The following GLB1 variants were observed in gnomAD, a reference collection of about 807,000 sequenced individuals.
GLB1 encodes the protein beta-galactosidase.
A neutral mutation model predicts 74.0 loss-of-function variants in GLB1; 56 were observed. The ratio of observed to expected loss-of-function variants is 0.76; its 90% CI spans 0.61 to 0.94. The LOEUF (loss-of-function observed/expected upper bound fraction) is 0.94. Ranked by LOEUF, GLB1 falls within the 40% of genes least tolerant of loss-of-function variation. The probability of loss-of-function intolerance (pLI) is 0.00; values close to 1 mark genes in which losing one functional copy is unlikely to be tolerated. For missense variants in GLB1, 787 were observed against 845.5 expected (o/e 0.93, Z 0.86); for synonymous variants, 323 against 323.6 (o/e 1.00, Z 0.02).
chr3:33,046,816 G>A (rs75970876), intron 9 of GLB1, among the ~76,000 whole-genome samples: 13,675 of 152,144 alleles, frequency 0.09, 1,425 homozygotes, highest in East Asian at 0.56. Context: ...AAAGACTGTC[G>A]ATGGGGCTGT....
At chr3:33,060,271 A>G (rs1408050271) in intron 5 of GLB1, among the ~76,000 whole-genome samples, 1 of 152,220 alleles carries the variant, frequency 6.6e-6, no homozygotes, top group Non-Finnish European at 1.5e-5. Flanking sequence ...CATGCCCAGG[A>G]CAGAGACTTC....
intron 4 of GLB1, among the ~76,000 whole-genome samples, chr3:33,066,217 C>T (rs1397065995): frequency 1.3e-5 from 2 of 152,138 alleles, no homozygotes; most frequent in African/African-American, 4.8e-5. Flanking sequence ...ATGTTGAAAT[C>T]GAATCCCCAA....
Position 33,051,924 on chromosome 3 carries a change from G to C in GLB1, c.873C>G (p.Ser291=). Residue 291 remains serine, a synonymous_variant, in exon 8 of 16, where the codon TCC becomes TCG. Transcript: ENST00000307363. ...CACGGGCAAGTATATCATAGAGGGA[G>C]GAAGCCACTGCTTCGGTCTTGATTG... The part of the protein sequence containing the change: ...HSTIKTEAVA[S]SLYDILARGA... 6.2e-7 allele frequency: 1 copy of C among 1,614,232 alleles called. No individual in the cohort carries two copies. Among genetic ancestry groups the C allele is most frequent in the African/African-American group, 1.3e-5 (1 of 75,046 alleles).
chr3:33,018,322 A>G (rs904124952), intron 13 of GLB1, 126 bp downstream of exon 13: 4 of 286,614 alleles, frequency 1.4e-5, no homozygotes, highest in African/African-American at 1.1e-4. Context: ...AAAAAAAAAA[A>G]AAGATGATGG....
chr3:33,012,492 G>A (rs1697069669), intron 15 of GLB1, among the ~76,000 whole-genome samples: 1 of 152,190 alleles, frequency 6.6e-6, no homozygotes, highest in Admixed American at 6.5e-5. Flanking sequence ...TGCTGTCTAT[G>A]ATGAAGTAGA....
At chr3:32,992,993 T>C (rs1696252030), downstream of GLB1, among the ~76,000 whole-genome samples, 1 of 152,192 alleles carries the variant, frequency 6.6e-6, no homozygotes, top group Admixed American at 6.5e-5. Flanking sequence ...CGATTTTCCT[T>C]GCAGCCCATG....
chr3:33,020,025 C>T (rs988998388), intron 12 of GLB1, among the ~76,000 whole-genome samples: 2 of 152,130 alleles, frequency 1.3e-5, no homozygotes, highest in Non-Finnish European at 2.9e-5. Flanking sequence ...TGCACGTGTT[C>T]ATATAGTAAC....
chr3:33,006,730 A>AT (rs1431546534), intron 15 of GLB1, among the ~76,000 whole-genome samples: 14 of 152,172 alleles, frequency 9.2e-5, no homozygotes, highest in Admixed American at 7.9e-4. Flanking sequence ...AACAAAAGTG[A>AT]TTTTTTAATC....
intron 1 of GLB1, among the ~76,000 whole-genome samples, chr3:33,081,927 A>G (rs536406055): frequency 3.3e-5 from 5 of 152,336 alleles, no homozygotes; most frequent in South Asian, 4.1e-4. Flanking sequence ...CCTTCATCCA[A>G]TTCCCAGCTT....
intron 10 of GLB1, among the ~76,000 whole-genome samples, chr3:33,031,049 T>G (rs1697981882): frequency 6.6e-6 from 1 of 152,194 alleles, no homozygotes; most frequent in African/African-American, 2.4e-5. Flanking sequence ...GCCTTGAAGA[T>G]TCATATGAAG....
intron 10 of GLB1, among the ~76,000 whole-genome samples, chr3:33,035,224 G>A (rs1005761076): frequency 6.6e-5 from 10 of 152,082 alleles, no homozygotes; most frequent in African/African-American, 2.2e-4. Context: ...TTGAGGTCAG[G>A]AGTTCGAGAG....
chr3:32,989,310 C>A, the GLB1 span, among the ~76,000 whole-genome samples: 2 of 152,196 alleles, frequency 1.3e-5, no homozygotes, highest in Admixed American at 6.5e-5. Flanking sequence ...CATCATTTGC[C>A]TGCTCAACTA....
intron 15 of GLB1, among the ~76,000 whole-genome samples, chr3:33,006,091 C>T (rs1457588778): frequency 6.6e-6 from 1 of 152,114 alleles, no homozygotes; most frequent in Non-Finnish European, 1.5e-5. Flanking sequence ...TTATCCACAC[C>T]CAGCTGAAAG....
At chr3:33,055,609 C>T (rs548248406) in intron 6 of GLB1, among the ~76,000 whole-genome samples, 6 of 151,446 alleles carry the variant, frequency 4.0e-5, no homozygotes, top group South Asian at 2.1e-4. Flanking sequence ...TACAAAAGTG[C>T]GCCACCACGA....
At chr3:33,067,137 G>C (rs1217835390) in intron 4 of GLB1, among the ~76,000 whole-genome samples, 3 of 151,692 alleles carry the variant, frequency 2.0e-5, no homozygotes, top group Non-Finnish European at 4.4e-5. Context: ...CGAGTAGCTG[G>C]GATTACAGGC....
At chr3:33,020,936 T>C (rs1575417085) in intron 12 of GLB1, among the ~76,000 whole-genome samples, 1 of 152,114 alleles carries the variant, frequency 6.6e-6, no homozygotes. Flanking sequence ...CTGTTAACAA[T>C]TGGTGAATCT....
rs997091945 is a variant in GLB1, at chr3:33,081,607, C to T, written c.76-8894G>A. ...CCCTGGCATACTTGGGAAGCCCCCC[C>T]AGTGGGGCCATCCTCTGCAGGCAAG... On this transcript the variant is annotated intron_variant, in intron 1 of 15. Coordinates refer to ENST00000307363, the MANE Select transcript of GLB1 (RefSeq NM_000404.4). 7.9e-5 allele frequency among the ~76,000 whole-genome samples: 12 copies of T among 152,208 alleles called. No homozygotes were observed. In the South Asian group the frequency reaches 1.2e-3, roughly 16 times the overall value.
the GLB1 span, among the ~76,000 whole-genome samples, chr3:32,971,954 G>A: frequency 6.6e-6 from 1 of 152,090 alleles, no homozygotes; most frequent in South Asian, 2.1e-4. Context: ...CTAATTCCTC[G>A]AAGGCAAGAG....
the GLB1 span, among the ~76,000 whole-genome samples, chr3:32,962,051 G>A: frequency 1.9e-3 from 294 of 151,462 alleles, 1 homozygote; most frequent in African/African-American, 6.2e-3. Flanking sequence ...AAAATTAGCT[G>A]GGCATGGTGG....
Sources: allele counts gnomAD v4.1 joint callset (sites outside exome capture counted in the v4.1 genomes callset), GRCh38; gene constraint gnomAD v4.1.1; transcripts MANE v1.5; gene names NCBI Gene and HGNC (gene_info 2026-07-23, HGNC 2026-07-21).